Variants in MYOZ2 observed in about 807,000 individuals in gnomAD.
The protein encoded by MYOZ2 is myozenin-2.
Under a neutral mutation model 25.4 loss-of-function variants are expected in MYOZ2, and 19 were observed. The ratio of observed to expected loss-of-function variants is 0.75; its 90% CI spans 0.52 to 1.10. The LOEUF is 1.10. Among genes scored for constraint, MYOZ2 ranks in the 50% least tolerant of loss-of-function variants. MYOZ2 has a pLI of 0.00. For missense variants in MYOZ2, 270 were observed against 317.9 expected (o/e 0.85, Z 1.15); for synonymous variants, 92 against 106.9 (o/e 0.86, Z 0.86).
At chr4:119,158,526 A>G (rs1741636616) in intron 4 of MYOZ2, among the ~76,000 whole-genome samples, 1 of 152,128 alleles carries the variant, frequency 6.6e-6, no homozygotes, top group African/African-American at 2.4e-5. Context: ...CACTCCATCC[A>G]GCCTGGGTAA....
intron 4 of MYOZ2, among the ~76,000 whole-genome samples, chr4:119,161,557 G>GA (rs753926328): frequency 2.2e-4 from 33 of 152,102 alleles, no homozygotes; most frequent in South Asian, 4.2e-4. Flanking sequence ...TTGCATTGCT[G>GA]AATTGTAATA....
rs573186104 is a variant in MYOZ2 at position 119,175,716 on chromosome 4, C to T, written c.561-10250C>T. Among the ~76,000 whole-genome samples the T allele has an allele frequency of 1.2e-4, 18 of 151,276 alleles. No individual in the cohort carries two copies. In the South Asian group the frequency reaches 3.8e-3, roughly 32 times the overall value. ...GCTGTGAGTAGAGATTGTCCCACTG[C>T]ACTCCAGCCTGGGTGACAGCGTGAG... On this transcript the variant is annotated intron_variant, in intron 5 of 5. Coordinates refer to ENST00000307128, the MANE Select transcript of MYOZ2 (RefSeq NM_016599.5).
Position 119,151,162 on chromosome 4 carries a change from AT to A in MYOZ2, c.246+131del, listed in dbSNP as rs34497965. On this transcript the variant is annotated intron_variant, in intron 3 of 5. Coordinates refer to ENST00000307128, the MANE Select transcript of MYOZ2 (RefSeq NM_016599.5). ...TTCTTTCAATTTATTCTGTTAGGCTATTTTTTTTTTATCATAATGAATAGTT... is the reference window on the plus strand; with the variant it reads ...TTCTTTCAATTTATTCTGTTAGGCTATTTTTTTTTATCATAATGAATAGTT... 573,306 of 868,580 alleles carry A rather than the reference AT, an allele frequency of 0.66. 189,309 individuals carry two copies. The highest frequency in any genetic ancestry group is 0.7 in the Non-Finnish European group (399,078 of 571,602). 53.8% of individuals were successfully genotyped at this position (868,580 alleles called of 1,614,324 possible).
At chr4:119,175,526 T>A (rs1050034847) in intron 5 of MYOZ2, among the ~76,000 whole-genome samples, 1 of 152,026 alleles carries the variant, frequency 6.6e-6, no homozygotes, top group Non-Finnish European at 1.5e-5. Flanking sequence ...TTTGGGAGGC[T>A]GGGGCGGGTG....
Position 119,175,662 on chromosome 4 carries a change from G to C in MYOZ2, c.561-10304G>C, listed in dbSNP as rs556979706. Among the ~76,000 whole-genome samples, 5 of 151,920 alleles carry C rather than the reference G, an allele frequency of 3.3e-5. No homozygotes were observed. In the East Asian group the frequency reaches 7.8e-4, roughly 24 times the overall value. ...AGCTACTTGGGAGGCTGAGGCAGGAGACTGGTTTGAACCCAGGAGACAGAG... is the reference window on the plus strand; with the variant it reads ...AGCTACTTGGGAGGCTGAGGCAGGACACTGGTTTGAACCCAGGAGACAGAG... On this transcript the variant is annotated intron_variant, in intron 5 of 5. Coordinates refer to ENST00000307128, the MANE Select transcript of MYOZ2 (RefSeq NM_016599.5).
chr4:119,136,732 T>C, intron 2 of MYOZ2, 131 bp downstream of exon 2: 1 of 903,060 alleles, frequency 1.1e-6, no homozygotes, highest in South Asian at 1.5e-5. Flanking sequence ...CCTGGAGCTC[T>C]AGGGGGTGTA....
intron 5 of MYOZ2, among the ~76,000 whole-genome samples, chr4:119,169,861 G>A (rs188038721): frequency 1.5e-3 from 223 of 152,308 alleles, no homozygotes; most frequent in African/African-American, 5.2e-3. Context: ...TCTTAGATTG[G>A]ATAAAGGCTA....
chr4:119,146,199 T>C (rs1339476943), intron 2 of MYOZ2, among the ~76,000 whole-genome samples: 1 of 152,222 alleles, frequency 6.6e-6, no homozygotes, highest in South Asian at 2.1e-4. Context: ...ATTTTCTCTG[T>C]TGTTTTTCTG....
chr4:119,143,563 T>C (rs1741220515), intron 2 of MYOZ2, among the ~76,000 whole-genome samples: 1 of 152,204 alleles, frequency 6.6e-6, no homozygotes. Context: ...CTAAAGTCCA[T>C]AGTTTACATT....
At chr4:119,157,655 A>T (rs959675746) in intron 3 of MYOZ2, among the ~76,000 whole-genome samples, 1 of 152,226 alleles carries the variant, frequency 6.6e-6, no homozygotes, top group Non-Finnish European at 1.5e-5. Flanking sequence ...TATGCTCTAC[A>T]TTATTAGATT....
intron 2 of MYOZ2, among the ~76,000 whole-genome samples, chr4:119,145,437 G>T (rs2149219743): frequency 6.9e-6 from 1 of 145,382 alleles, no homozygotes; most frequent in Non-Finnish European, 1.5e-5. Context: ...CACCTCCCAG[G>T]CTCAACTGAT....
intron 4 of MYOZ2, 139 bp from the exon 5 acceptor site, chr4:119,164,072 G>A: frequency 3.7e-6 from 3 of 812,474 alleles, no homozygotes; most frequent in Non-Finnish European, 6.2e-6. Flanking sequence ...GCAGACTGCT[G>A]TTTTCTAAGG....
intron 5 of MYOZ2, among the ~76,000 whole-genome samples, chr4:119,171,987 T>G (rs2149227418): frequency 6.6e-6 from 1 of 152,230 alleles, no homozygotes; most frequent in Non-Finnish European, 1.5e-5. Context: ...TGATGAAGCC[T>G]AGAGAGGTAA....
chr4:119,171,816 AAC>A (rs35658721), intron 5 of MYOZ2, among the ~76,000 whole-genome samples: 59,361 of 149,216 alleles, frequency 0.4, 12,348 homozygotes, highest in East Asian at 0.56. Flanking sequence ...CAAACACACA[AAC>A]ACACACACAC....
Position 119,136,600 on chromosome 4 carries a change from T to C in MYOZ2, c.75T>C (p.Asn25=), listed in dbSNP as rs201476980. The change falls in exon 2 of 6, where the codon AAT becomes AAC. Residue 25 remains asparagine, a splice_region_variant and synonymous_variant. Coordinates refer to ENST00000307128, the MANE Select transcript of MYOZ2 (RefSeq NM_016599.5). ...ATAIMKEVHG[N]DVDGMDLGKK... Reference sequence around the variant, plus strand: ...CCATCATGAAGGAAGTCCATGGAAATGGTATCAATAAAAATCCTTCGTAGC... The same window carrying C: ...CCATCATGAAGGAAGTCCATGGAAACGGTATCAATAAAAATCCTTCGTAGC... 205 of 1,612,570 alleles carry C rather than the reference T, an allele frequency of 1.3e-4. 3 individuals carry two copies. In the East Asian group the frequency reaches 4.6e-3, roughly 36 times the overall value.
At chr4:119,167,969 A>ATGTTTTGTTT (rs140910198) in intron 5 of MYOZ2, among the ~76,000 whole-genome samples, 7 of 151,968 alleles carry the variant, frequency 4.6e-5, no homozygotes, top group African/African-American at 9.7e-5. Flanking sequence ...ACGGAGATTA[A>ATGTTTTGTTT]TGTTTTGTTT....
At chr4:119,152,517 A>G (rs1050611029) in intron 3 of MYOZ2, among the ~76,000 whole-genome samples, 1 of 152,254 alleles carries the variant, frequency 6.6e-6, no homozygotes, top group African/African-American at 2.4e-5. Context: ...AGAAAGGTAC[A>G]ATAAGATTTA....
intron 5 of MYOZ2, among the ~76,000 whole-genome samples, chr4:119,185,701 A>G (rs952042386): frequency 2.6e-5 from 4 of 152,234 alleles, no homozygotes; most frequent in African/African-American, 9.6e-5. Flanking sequence ...CAGGGAATAG[A>G]TTAGTCCAAA....
intron 5 of MYOZ2, among the ~76,000 whole-genome samples, chr4:119,175,033 G>A (rs1742034039): frequency 2.6e-5 from 4 of 151,770 alleles, no homozygotes; most frequent in Admixed American, 6.6e-5. Context: ...GAACACATCC[G>A]AACATCAGAA....
Sources: gnomAD v4.1 joint callset for allele counts (sites outside exome capture counted in the v4.1 genomes callset) on GRCh38, gnomAD v4.1.1 for gene constraint, MANE v1.5 for transcripts, NCBI Gene and HGNC (gene_info 2026-07-23, HGNC 2026-07-21) for gene names.